Variants in CNKSR2 observed in about 807,000 individuals in gnomAD.
The protein encoded by CNKSR2 is connector enhancer of kinase suppressor of Ras 2, also known as CNK homolog protein 2.
Under a neutral mutation model 84.4 loss-of-function variants are expected in CNKSR2, and 14 were observed. The ratio of observed to expected loss-of-function variants is 0.17; its 90% CI spans 0.11 to 0.26. The LOEUF is 0.26. Ranked by LOEUF, CNKSR2 falls within the 10% of genes least tolerant of loss-of-function variation. CNKSR2 has a pLI of 1.00. For synonymous variants in CNKSR2, 275 were observed against 277.9 expected, an observed-to-expected ratio of 0.99 and a Z score of 0.10; for missense variants, 485 against 771.2, an observed-to-expected ratio of 0.63 and a Z score of 4.40.
chrX:21,602,674 T>A (rs2092490412), intron 18 of CNKSR2, among the ~76,000 whole-genome samples: 1 of 111,418 alleles, frequency 9.0e-6, no homozygotes, highest in South Asian at 3.8e-4. Flanking sequence ...TGAAAAAAAA[T>A]TAGTGTTCCT....
At chrX:21,379,463 A>G (rs757417095) in intron 1 of CNKSR2, among the ~76,000 whole-genome samples, 4 of 112,127 alleles carry the variant, frequency 3.6e-5, no homozygotes, top group Non-Finnish European at 3.8e-5. Flanking sequence ...TTTTTGGGGA[A>G]CAGGAATTCT....
At chrX:21,461,122 G>A (rs1464191574) in intron 4 of CNKSR2, among the ~76,000 whole-genome samples, 1 of 112,234 alleles carries the variant, frequency 8.9e-6, no homozygotes, top group African/African-American at 3.2e-5. Context: ...GTACTCCATC[G>A]TGATTGTACT....
intron 1 of CNKSR2, among the ~76,000 whole-genome samples, chrX:21,387,903 CT>C (rs1280604224): frequency 2.1e-4 from 22 of 107,191 alleles, no homozygotes; most frequent in Non-Finnish European, 3.3e-4. Flanking sequence ...ATTTTTCCTA[CT>C]TTTTTTTTTG....
At chrX:21,471,453 G>C (rs1236376445) in intron 5 of CNKSR2, among the ~76,000 whole-genome samples, 1 of 111,980 alleles carries the variant, frequency 8.9e-6, no homozygotes, top group Non-Finnish European at 1.9e-5. Flanking sequence ...GTGAAATCAT[G>C]TCATTTCTGC....
intron 13 of CNKSR2, among the ~76,000 whole-genome samples, chrX:21,565,174 A>G (rs191504446): frequency 1.8e-5 from 2 of 111,625 alleles, no homozygotes; most frequent in Non-Finnish European, 3.8e-5. Context: ...ACAAATTATT[A>G]AAAGTTTGGA....
chrX:21,549,221 A>G (rs2147159925), intron 11 of CNKSR2, among the ~76,000 whole-genome samples: 1 of 112,680 alleles, frequency 8.9e-6, no homozygotes, highest in African/African-American at 3.2e-5. Context: ...AACTTCAGCA[A>G]AGTCTCAGGA....
Position 21,609,320 on chromosome X carries a change from G to T in CNKSR2, c.2395G>T (p.Ala799Ser), listed in dbSNP as rs756540150. 5.8e-6 allele frequency: 7 copies of T among 1,209,506 alleles called. No homozygotes were observed. The highest frequency in any genetic ancestry group is 6.7e-6 in the Non-Finnish European group (6 of 895,058). The change falls in exon 20 of 22, where the codon GCC (alanine) becomes TCC (serine). Residue 799 changes from alanine to serine, a missense_variant. Ala to Ser is a moderately conservative substitution (Grantham distance 99, BLOSUM62 1). This residue lies in a region of CNKSR2 where 210 missense variants were observed against 291.5 expected (regional missense o/e 0.72). Transcript: ENST00000379510. The stretch of plus-strand genomic sequence containing the variant: ...GGATTCTGTCTTCTCTGACTCCGCG[G>T]CCATCTCCCCAGAGCACAGGCGGCA... ...LEDSVFSDSA[A>S]ISPEHRRQST...
chrX:21,612,467 GTCA>G (rs2092555116), intron 20 of CNKSR2, among the ~76,000 whole-genome samples: 1 of 112,324 alleles, frequency 8.9e-6, no homozygotes, highest in African/African-American at 3.2e-5. Context: ...GTGAATTGTA[GTCA>G]TCAAGTACAG....
At chrX:21,632,994 C>T (rs896251851) in intron 20 of CNKSR2, among the ~76,000 whole-genome samples, 19 of 97,660 alleles carry the variant, frequency 1.9e-4, no homozygotes, top group African/African-American at 4.4e-4. Flanking sequence ...ATAATATACA[C>T]ACACACACAC....
At chrX:21,615,329 A>G (rs2092571847) in intron 20 of CNKSR2, among the ~76,000 whole-genome samples, 1 of 112,328 alleles carries the variant, frequency 8.9e-6, no homozygotes, top group Non-Finnish European at 1.9e-5. Context: ...CAAGTTTGAT[A>G]TAATTATTGT....
intron 1 of CNKSR2, among the ~76,000 whole-genome samples, chrX:21,399,400 T>A (rs1479002353): frequency 9.0e-6 from 1 of 111,710 alleles, no homozygotes; most frequent in Non-Finnish European, 1.9e-5. Context: ...GAAAGGAAAT[T>A]TATTTTACAG....
intron 13 of CNKSR2, among the ~76,000 whole-genome samples, chrX:21,581,273 T>C (rs979827789): frequency 2.7e-5 from 3 of 112,048 alleles, no homozygotes; most frequent in African/African-American, 9.7e-5. Context: ...TAAGAACATG[T>C]GGTCCAAATC....
chrX:21,634,082 T>C (rs1403083330), intron 20 of CNKSR2, among the ~76,000 whole-genome samples: 1 of 112,283 alleles, frequency 8.9e-6, no homozygotes, highest in Admixed American at 9.5e-5. Flanking sequence ...GTTTTTCTTC[T>C]TGTCATGTAC....
In CNKSR2 at chrX:21,607,525, C is replaced by A. The variant is rs374071062; in HGVS notation, c.2145+646C>A. 3.8e-4 allele frequency among the ~76,000 whole-genome samples: 42 copies of A among 111,478 alleles called. 3 individuals carry two copies. Among genetic ancestry groups the A allele is most frequent in the Admixed American group, 3.0e-3 (31 of 10,494 alleles). The stretch of plus-strand genomic sequence containing the variant: ...AGACAATAATATTCCATGGTCAGGC[C>A]GGGCATGGTAGCTCACGCGTCTAAT... On this transcript the variant is annotated intron_variant, in intron 19 of 21. Transcript: ENST00000379510.
At chrX:21,460,590 A>G (rs935511521) in intron 4 of CNKSR2, among the ~76,000 whole-genome samples, 1 of 111,640 alleles carries the variant, frequency 9.0e-6, no homozygotes, top group African/African-American at 3.3e-5. Flanking sequence ...CAATTAAATT[A>G]TTATTGACTA....
intron 20 of CNKSR2, among the ~76,000 whole-genome samples, chrX:21,614,691 T>TA (rs1439555466): frequency 8.9e-6 from 1 of 111,841 alleles, no homozygotes; most frequent in East Asian, 2.8e-4. Context: ...AGATTAGCTA[T>TA]AATTCTGATA....
intron 1 of CNKSR2, among the ~76,000 whole-genome samples, chrX:21,419,811 G>A (rs1297485716): frequency 2.7e-5 from 3 of 112,399 alleles, no homozygotes; most frequent in African/African-American, 6.5e-5. Context: ...CACCCTTGTG[G>A]CCACCACCAC....
intron 20 of CNKSR2, among the ~76,000 whole-genome samples, chrX:21,617,624 C>CCTTA (rs2092583156): frequency 1.8e-5 from 2 of 111,289 alleles, no homozygotes; most frequent in Non-Finnish European, 3.8e-5. Flanking sequence ...CCTTATATAT[C>CCTTA]TCTATCTTGT....
intron 20 of CNKSR2, among the ~76,000 whole-genome samples, chrX:21,635,268 C>T (rs995470742): frequency 1.8e-5 from 2 of 108,511 alleles, no homozygotes; most frequent in Non-Finnish European, 3.8e-5. Context: ...TCTGAGCTTG[C>T]AATATTATAA....
Sources: allele counts gnomAD v4.1 joint callset (sites outside exome capture counted in the v4.1 genomes callset), GRCh38; gene constraint gnomAD v4.1.1; regional missense constraint gnomAD v4.1.1; transcripts MANE v1.5; gene names NCBI Gene and HGNC (gene_info 2026-07-23, HGNC 2026-07-21).